THSD7B: variants seen among roughly 807,000 people sequenced by gnomAD.
The protein encoded by THSD7B is thrombospondin type-1 domain-containing protein 7B.
A neutral mutation model predicts 213.6 loss-of-function variants in THSD7B; 138 were observed. The observed-to-expected ratio is 0.65, with a 90% CI of 0.56 to 0.74. The LOEUF (loss-of-function observed/expected upper bound fraction) is 0.74. Among genes scored for constraint, THSD7B ranks in the 30% least tolerant of loss-of-function variants. THSD7B has a pLI of 0.00. For synonymous variants in THSD7B, 742 were observed against 687.0 expected (o/e 1.08, Z -1.25); for missense variants, 1,931 against 1,991.5 (o/e 0.97, Z 0.58).
chr2:137,269,975 G>A (rs915086276), intron 10 of THSD7B, among the ~76,000 whole-genome samples: 2 of 152,188 alleles, frequency 1.3e-5, no homozygotes, highest in African/African-American at 4.8e-5. Context: ...ATTTACAAAG[G>A]ATGAGAAGTG....
At chr2:136,846,676 A>G (rs1192195602) in intron 1 of THSD7B, among the ~76,000 whole-genome samples, 1 of 152,164 alleles carries the variant, frequency 6.6e-6, no homozygotes, top group South Asian at 2.1e-4. Flanking sequence ...CTACTAGGAT[A>G]TAACTTTTTT....
At chr2:137,597,730 T>C (rs957551696) in intron 17 of THSD7B, among the ~76,000 whole-genome samples, 2 of 152,140 alleles carry the variant, frequency 1.3e-5, no homozygotes, top group South Asian at 2.1e-4. Flanking sequence ...TGTCCAAATC[T>C]GTAAAAGGGC....
intron 21 of THSD7B, among the ~76,000 whole-genome samples, chr2:137,643,189 G>A (rs1573761589): frequency 6.6e-6 from 1 of 152,040 alleles, no homozygotes; most frequent in Admixed American, 6.6e-5. Flanking sequence ...AGTATATCAC[G>A]TACCAAGAGC....
chr2:137,159,229 TCAGAA>T (rs1305285717), intron 5 of THSD7B, among the ~76,000 whole-genome samples: 2 of 151,942 alleles, frequency 1.3e-5, no homozygotes, highest in African/African-American at 4.8e-5. Context: ...CCCAGGGGTC[TCAGAA>T]CAGCCTAGGG....
chr2:137,427,313 AT>A (rs1687081168), intron 14 of THSD7B, among the ~76,000 whole-genome samples: 1 of 152,052 alleles, frequency 6.6e-6, no homozygotes, highest in Non-Finnish European at 1.5e-5. Flanking sequence ...TTCCAAAAAA[AT>A]AAAATAAAAT....
chr2:137,447,431 T>C (rs1331180026), intron 14 of THSD7B, among the ~76,000 whole-genome samples: 1 of 152,188 alleles, frequency 6.6e-6, no homozygotes, highest in Non-Finnish European at 1.5e-5. Context: ...CCACCTAATT[T>C]CTAGTTTTCC....
intron 2 of THSD7B, among the ~76,000 whole-genome samples, chr2:137,041,340 G>T (rs1311315171): frequency 2.6e-5 from 4 of 152,108 alleles, no homozygotes; most frequent in Admixed American, 6.6e-5. Flanking sequence ...CAGATAAGCA[G>T]TAATTTTGGT....
intron 1 of THSD7B, among the ~76,000 whole-genome samples, chr2:136,795,757 G>A (rs1682049422): frequency 6.6e-6 from 1 of 151,616 alleles, no homozygotes; most frequent in South Asian, 2.1e-4. Context: ...GCCTTTTTGA[G>A]AATTAAATGA....
chr2:136,802,851 A>G (rs1682214058), intron 1 of THSD7B, among the ~76,000 whole-genome samples: 1 of 151,480 alleles, frequency 6.6e-6, no homozygotes, highest in African/African-American at 2.4e-5. Flanking sequence ...CACTTACTAT[A>G]TAACCAAATG....
chr2:137,543,212 A>G (rs1349105062), intron 15 of THSD7B, among the ~76,000 whole-genome samples: 2 of 151,798 alleles, frequency 1.3e-5, no homozygotes, highest in African/African-American at 4.8e-5. Context: ...TGGCTGACTA[A>G]AATAATATAG....
chr2:136,904,723 A>G (rs524119), intron 2 of THSD7B, among the ~76,000 whole-genome samples: 65,234 of 151,992 alleles, frequency 0.43, 15,599 homozygotes, highest in Non-Finnish European at 0.55. Context: ...GGAACCTTCA[A>G]TGATTGGCCC....
chr2:137,187,922 G>A (rs555207713), intron 7 of THSD7B, among the ~76,000 whole-genome samples: 2 of 149,388 alleles, frequency 1.3e-5, no homozygotes, highest in East Asian at 2.0e-4. Context: ...CTCCTGATCT[G>A]AGATTTTAAT....
intron 10 of THSD7B, among the ~76,000 whole-genome samples, chr2:137,270,466 G>T (rs758858828): frequency 7.2e-5 from 11 of 152,156 alleles, no homozygotes; most frequent in African/African-American, 2.7e-4. Context: ...CATTCAAAAT[G>T]ATAGGAAAGG....
intron 13 of THSD7B, among the ~76,000 whole-genome samples, chr2:137,406,309 A>G (rs951908128): frequency 2.0e-5 from 3 of 152,240 alleles, no homozygotes; most frequent in African/African-American, 7.2e-5. Context: ...GTGGTATATT[A>G]TTAATTATGA....
At chr2:137,223,469 T>C (rs541233690) in intron 7 of THSD7B, among the ~76,000 whole-genome samples, 2 of 152,180 alleles carry the variant, frequency 1.3e-5, no homozygotes, top group East Asian at 1.9e-4. Flanking sequence ...GAGTTAAAAA[T>C]GAAATATCGA....
intron 24 of THSD7B, among the ~76,000 whole-genome samples, chr2:137,657,494 T>A (rs865856265): frequency 9.9e-5 from 15 of 152,182 alleles, no homozygotes; most frequent in Admixed American, 5.2e-4. Flanking sequence ...AGGACATATC[T>A]TAGCATGTGT....
At chr2:137,185,874 C>T (rs192995994) in intron 7 of THSD7B, among the ~76,000 whole-genome samples, 46 of 152,306 alleles carry the variant, frequency 3.0e-4, no homozygotes, top group African/African-American at 1.0e-3. Flanking sequence ...ATAAGCATTC[C>T]CTTTTCTCTA....
At chr2:137,507,972 A>G (rs1159144116) in intron 15 of THSD7B, among the ~76,000 whole-genome samples, 2 of 152,252 alleles carry the variant, frequency 1.3e-5, no homozygotes, top group Non-Finnish European at 2.9e-5. Flanking sequence ...CAAGTTACTT[A>G]ACATATTTGT....
intron 2 of THSD7B, among the ~76,000 whole-genome samples, chr2:137,054,776 T>C (rs554921315): frequency 6.6e-6 from 1 of 152,212 alleles, no homozygotes; most frequent in South Asian, 2.1e-4. Flanking sequence ...CTTTTTTTTT[T>C]TTTTAATTTT....
Sources: gnomAD v4.1 joint callset for allele counts (sites outside exome capture counted in the v4.1 genomes callset) on GRCh38, gnomAD v4.1.1 for gene constraint, MANE v1.5 for transcripts, NCBI Gene and HGNC (gene_info 2026-07-23, HGNC 2026-07-21) for gene names.